The following SGCZ variants were observed in gnomAD, a reference collection of about 807,000 sequenced individuals.
SGCZ encodes zeta-sarcoglycan.
A neutral mutation model predicts 41.3 loss-of-function variants in SGCZ; 40 were observed. The observed-to-expected ratio is 0.97, with a 90% CI of 0.75 to 1.26. The LOEUF (loss-of-function observed/expected upper bound fraction) is 1.26, where lower values mean the gene tolerates loss of function less well. Among genes scored for constraint, SGCZ ranks in the 50% most tolerant of loss-of-function variants. SGCZ has a pLI of 0.00. For synonymous variants in SGCZ, 206 were observed against 137.5 expected, an observed-to-expected ratio of 1.50 and a Z score of -3.49; for missense variants, 552 against 369.8, an observed-to-expected ratio of 1.49 and a Z score of -4.04.
intron 4 of SGCZ, among the ~76,000 whole-genome samples, chr8:14,210,870 C>T (rs1563187851): frequency 6.6e-6 from 1 of 152,158 alleles, no homozygotes; most frequent in Non-Finnish European, 1.5e-5. Flanking sequence ...TAACTAAATG[C>T]CTAGACCATT....
At chr8:14,893,129 C>T (rs538286848) in intron 1 of SGCZ, among the ~76,000 whole-genome samples, 1 of 152,180 alleles carries the variant, frequency 6.6e-6, no homozygotes, top group East Asian at 1.9e-4. Flanking sequence ...CTGGCAGGCC[C>T]CATCCAATCA....
intron 1 of SGCZ, among the ~76,000 whole-genome samples, chr8:14,843,341 T>C (rs934131118): frequency 2.0e-5 from 3 of 152,170 alleles, no homozygotes; most frequent in Non-Finnish European, 2.9e-5. Flanking sequence ...ATTAAAACTC[T>C]TTGATTATTT....
chr8:14,573,317 C>T (rs1804614418), intron 1 of SGCZ, among the ~76,000 whole-genome samples: 1 of 151,712 alleles, frequency 6.6e-6, no homozygotes, highest in South Asian at 2.1e-4. Flanking sequence ...CCGGCCTCAG[C>T]CTCCGGAGTA....
intron 1 of SGCZ, among the ~76,000 whole-genome samples, chr8:14,923,285 T>A (rs1326956836): frequency 2.0e-5 from 3 of 152,220 alleles, no homozygotes; most frequent in Non-Finnish European, 4.4e-5. Flanking sequence ...ATTATCTATT[T>A]CAATATTTCT....
intron 2 of SGCZ, among the ~76,000 whole-genome samples, chr8:14,501,806 C>T (rs1004511644): frequency 1.3e-5 from 2 of 151,738 alleles, no homozygotes; most frequent in African/African-American, 2.4e-5. Flanking sequence ...AATTTTAACC[C>T]AAAGATAATT....
At chr8:14,322,084 C>T (rs1801935082) in intron 3 of SGCZ, among the ~76,000 whole-genome samples, 1 of 152,076 alleles carries the variant, frequency 6.6e-6, no homozygotes, top group African/African-American at 2.4e-5. Context: ...CTTTTAGGTT[C>T]ATAAAATAGT....
At chr8:14,208,146 T>G (rs1008482831) in intron 4 of SGCZ, among the ~76,000 whole-genome samples, 4 of 152,222 alleles carry the variant, frequency 2.6e-5, no homozygotes, top group Non-Finnish European at 5.9e-5. Context: ...AAACCCTTTA[T>G]TGAACCCCAT....
Position 14,437,918 on chromosome 8 carries a change from T to G in SGCZ, c.235-113714A>C, listed in dbSNP as rs74516025. Among the ~76,000 whole-genome samples the G allele has an allele frequency of 3.3e-3, 509 of 152,084 alleles. 5 individuals are homozygous for G. Among genetic ancestry groups the G allele is most frequent in the African/African-American group, 0.012 (478 of 41,550 alleles). Reference sequence around the variant, plus strand: ...CTGACCTATTTCATAGATGTAAAGCTAGATGATTACCGATTTGTGTTGTAA... The same window carrying G: ...CTGACCTATTTCATAGATGTAAAGCGAGATGATTACCGATTTGTGTTGTAA... On this transcript the variant is annotated intron_variant, in intron 2 of 7. Coordinates refer to ENST00000382080, the MANE Select transcript of SGCZ (RefSeq NM_139167.4).
chr8:14,432,172 A>G (rs1799961253), intron 2 of SGCZ, among the ~76,000 whole-genome samples: 1 of 152,186 alleles, frequency 6.6e-6, no homozygotes, highest in Non-Finnish European at 1.5e-5. Context: ...CAGCAATCCC[A>G]CTACTGGGTA....
intron 1 of SGCZ, among the ~76,000 whole-genome samples, chr8:15,080,579 T>C (rs550674358): frequency 1.1e-4 from 16 of 152,172 alleles, no homozygotes; most frequent in African/African-American, 3.1e-4. Flanking sequence ...TAATCTAATA[T>C]GCTTGGTATC....
At chr8:15,202,943 T>G (rs1386848847) in intron 1 of SGCZ, among the ~76,000 whole-genome samples, 1 of 152,030 alleles carries the variant, frequency 6.6e-6, no homozygotes, top group Non-Finnish European at 1.5e-5. Context: ...AAACCCTGTC[T>G]CTACAAAAAT....
intron 1 of SGCZ, among the ~76,000 whole-genome samples, chr8:14,755,169 T>G (rs1256649100): frequency 6.6e-6 from 1 of 152,212 alleles, no homozygotes; most frequent in African/African-American, 2.4e-5. Flanking sequence ...TCTTGACCAC[T>G]TTAAAAAAAT....
At chr8:14,854,495 G>A (rs1803471780) in intron 1 of SGCZ, among the ~76,000 whole-genome samples, 1 of 151,696 alleles carries the variant, frequency 6.6e-6, no homozygotes, top group South Asian at 2.1e-4. Context: ...TAAATATTAA[G>A]GCACTTCTTA....
intron 3 of SGCZ, among the ~76,000 whole-genome samples, chr8:14,318,500 T>A (rs547794746): frequency 6.6e-6 from 1 of 152,012 alleles, no homozygotes; most frequent in South Asian, 2.1e-4. Flanking sequence ...AGAAACATAT[T>A]AATGAAAGTC....
intron 2 of SGCZ, among the ~76,000 whole-genome samples, chr8:14,550,182 A>G (rs1803758178): frequency 6.6e-6 from 1 of 151,968 alleles, no homozygotes; most frequent in African/African-American, 2.4e-5. Context: ...TAAATAAATG[A>G]GATTTGTTCA....
intron 1 of SGCZ, among the ~76,000 whole-genome samples, chr8:14,828,505 T>C (rs1485415188): frequency 1.3e-5 from 2 of 152,172 alleles, no homozygotes; most frequent in Non-Finnish European, 2.9e-5. Flanking sequence ...TCGATGGAAA[T>C]TTTAAACAAG....
Position 15,234,166 on chromosome 8 carries a change from T to G in SGCZ, c.39+3419A>C, listed in dbSNP as rs1052618939. On this transcript the variant is annotated intron_variant, in intron 1 of 7. Coordinates refer to ENST00000382080, the MANE Select transcript of SGCZ (RefSeq NM_139167.4). ...TAAAACTTAGTCATCTCATTTCCAG[T>G]GCATAAGATCAGTTGTTTAAAAGAG... is the stretch of plus-strand genomic sequence containing the variant. Among the ~76,000 whole-genome samples, 5 of 152,274 alleles carry G rather than the reference T, an allele frequency of 3.3e-5. No individual in the cohort carries two copies. In the East Asian group the frequency reaches 9.7e-4, roughly 29 times the overall value.
intron 1 of SGCZ, among the ~76,000 whole-genome samples, chr8:15,234,904 C>T (rs1251894511): frequency 6.6e-6 from 1 of 151,684 alleles, no homozygotes; most frequent in East Asian, 1.9e-4. Flanking sequence ...CTAAGCTAAA[C>T]TATATTTTTA....
At chr8:14,567,133 G>T (rs1804394109) in intron 1 of SGCZ, among the ~76,000 whole-genome samples, 2 of 152,212 alleles carry the variant, frequency 1.3e-5, no homozygotes, top group South Asian at 4.1e-4. Context: ...CTTCCCCATG[G>T]GCTCTGGTGG....
Sources: allele counts gnomAD v4.1 joint callset (sites outside exome capture counted in the v4.1 genomes callset), GRCh38; gene constraint gnomAD v4.1.1; transcripts MANE v1.5; gene names NCBI Gene and HGNC (gene_info 2026-07-23, HGNC 2026-07-21).